Variants in SORCS3 observed in about 807,000 individuals in gnomAD.
SORCS3 encodes VPS10 domain-containing receptor SorCS3.
A neutral mutation model predicts 146.3 loss-of-function variants in SORCS3; 57 were observed. The ratio of observed to expected loss-of-function variants is 0.39; its 90% CI spans 0.31 to 0.49. The LOEUF is 0.49. Among genes scored for constraint, SORCS3 ranks in the 20% least tolerant of loss-of-function variants. SORCS3 has a pLI of 0.92. For synonymous variants in SORCS3, 653 were observed against 618.5 expected, an observed-to-expected ratio of 1.06 and a Z score of -0.83; for missense variants, 1,341 against 1,575.5, an observed-to-expected ratio of 0.85 and a Z score of 2.52.
intron 1 of SORCS3, among the ~76,000 whole-genome samples, chr10:104,743,517 A>T (rs1284037561): frequency 6.6e-6 from 1 of 152,180 alleles, no homozygotes; most frequent in Non-Finnish European, 1.5e-5. Flanking sequence ...CTAATGTAGT[A>T]GAAGGCAGTG....
At chr10:105,161,331 A>C (rs1340245226) in intron 11 of SORCS3, among the ~76,000 whole-genome samples, 1 of 152,096 alleles carries the variant, frequency 6.6e-6, no homozygotes, top group Non-Finnish European at 1.5e-5. Flanking sequence ...GAAGATAACT[A>C]TGACGTCAGC....
chr10:105,215,966 C>T (rs2056662369), intron 18 of SORCS3, among the ~76,000 whole-genome samples: 1 of 118,684 alleles, frequency 8.4e-6, no homozygotes, highest in Admixed American at 1.3e-4. Flanking sequence ...AAAGTGTTGG[C>T]CCAATATAAT....
intron 2 of SORCS3, among the ~76,000 whole-genome samples, chr10:104,853,070 C>T (rs920923969): frequency 6.6e-6 from 1 of 152,180 alleles, no homozygotes; most frequent in African/African-American, 2.4e-5. Flanking sequence ...GAGGCCAAGG[C>T]GGGCGGATCA....
chr10:104,718,412 G>A (rs771252569), intron 1 of SORCS3, among the ~76,000 whole-genome samples: 1 of 152,136 alleles, frequency 6.6e-6, no homozygotes, highest in Non-Finnish European at 1.5e-5. Context: ...TGAGGGCTCT[G>A]ACCTTCATGA....
intron 1 of SORCS3, among the ~76,000 whole-genome samples, chr10:104,692,062 G>T (rs892241425): frequency 6.6e-6 from 1 of 152,144 alleles, no homozygotes; most frequent in Non-Finnish European, 1.5e-5. Flanking sequence ...TTGATTTGGG[G>T]TTAGGTAACT....
Position 104,656,952 on chromosome 10 carries a change from T to A in SORCS3, c.627+14998T>A, listed in dbSNP as rs147211542. On this transcript the variant is annotated intron_variant, in intron 1 of 26. Transcript: ENST00000369701. ...GTTCACTTCTCTTTATAACTCCCTT[T>A]GTATGGGACCTTTGCAGTGCCCTCT... Among the ~76,000 whole-genome samples the A allele has an allele frequency of 1.1e-3, 165 of 152,316 alleles. 1 individual carries two copies. The highest frequency in any genetic ancestry group is 6.8e-3 in the Middle Eastern group (2 of 294).
chr10:105,198,701 C>A (rs1276766221), intron 14 of SORCS3, among the ~76,000 whole-genome samples: 1 of 152,162 alleles, frequency 6.6e-6, no homozygotes, highest in Admixed American at 6.5e-5. Context: ...ATTCTAGGCT[C>A]AGAGTTTCTC....
chr10:105,143,746 A>G (rs996636218), intron 8 of SORCS3, among the ~76,000 whole-genome samples: 1 of 152,174 alleles, frequency 6.6e-6, no homozygotes, highest in Non-Finnish European at 1.5e-5. Flanking sequence ...AGTGCTATAA[A>G]GGAAAAGAGG....
intron 20 of SORCS3, among the ~76,000 whole-genome samples, chr10:105,241,117 CTAAA>C (rs1348778153): frequency 1.3e-5 from 2 of 152,042 alleles, no homozygotes; most frequent in Non-Finnish European, 2.9e-5. Flanking sequence ...TTTCTCTTGA[CTAAA>C]TTCTTAGGGT....
chr10:105,025,062 G>A (rs1048383422), intron 4 of SORCS3, among the ~76,000 whole-genome samples: 16 of 152,254 alleles, frequency 1.1e-4, no homozygotes, highest in African/African-American at 3.4e-4. Context: ...CATCTCTGCC[G>A]GTGCTGGGAC....
chr10:104,756,355 A>G (rs1216017354), intron 1 of SORCS3, among the ~76,000 whole-genome samples: 1 of 152,212 alleles, frequency 6.6e-6, no homozygotes, highest in Admixed American at 6.5e-5. Context: ...CTCTACACGC[A>G]ATAGAAATAA....
chr10:105,094,649 C>T (rs1332788358), intron 6 of SORCS3, among the ~76,000 whole-genome samples: 1 of 152,160 alleles, frequency 6.6e-6, no homozygotes, highest in Non-Finnish European at 1.5e-5. Context: ...TGCTAGCACA[C>T]TCTGACAAGG....
chr10:105,207,630 G>A (rs2056610897), intron 16 of SORCS3, among the ~76,000 whole-genome samples: 1 of 152,134 alleles, frequency 6.6e-6, no homozygotes, highest in Admixed American at 6.6e-5. Context: ...CTTCGGAGCT[G>A]GGAAGGAGAT....
intron 1 of SORCS3, among the ~76,000 whole-genome samples, chr10:104,782,311 T>G (rs1398868435): frequency 6.6e-6 from 1 of 152,142 alleles, no homozygotes; most frequent in Non-Finnish European, 1.5e-5. Flanking sequence ...TGCTGTTCAT[T>G]TCAGCTGACC....
chr10:105,116,822 G>A (rs1054971792), intron 7 of SORCS3, among the ~76,000 whole-genome samples: 1 of 152,124 alleles, frequency 6.6e-6, no homozygotes, highest in African/African-American at 2.4e-5. Context: ...CTTGTAAGTG[G>A]GAGTTAAACT....
At chr10:104,735,894 C>T (rs1348023595) in intron 1 of SORCS3, among the ~76,000 whole-genome samples, 4 of 152,146 alleles carry the variant, frequency 2.6e-5, no homozygotes, top group Non-Finnish European at 5.9e-5. Flanking sequence ...ACCACCTCAT[C>T]CCCCAAGAAA....
At chr10:105,140,306 A>G (rs1589652145) in intron 8 of SORCS3, among the ~76,000 whole-genome samples, 1 of 152,014 alleles carries the variant, frequency 6.6e-6, no homozygotes, top group Middle Eastern at 3.4e-3. Flanking sequence ...CCCAGTTGTT[A>G]TTATTCATTC....
chr10:104,843,870 G>T (rs2018174690), intron 2 of SORCS3, among the ~76,000 whole-genome samples: 1 of 152,180 alleles, frequency 6.6e-6, no homozygotes, highest in Non-Finnish European at 1.5e-5. Context: ...CATTTACCTT[G>T]TGATGTGTCA....
chr10:104,921,518 T>A (rs1444428177), intron 3 of SORCS3, among the ~76,000 whole-genome samples: 3 of 151,842 alleles, frequency 2.0e-5, no homozygotes, highest in Non-Finnish European at 4.4e-5. Context: ...TGTGTGTGTG[T>A]GTGTGTGTGT....
Sources: gnomAD v4.1 joint callset for allele counts (sites outside exome capture counted in the v4.1 genomes callset) on GRCh38, gnomAD v4.1.1 for gene constraint, MANE v1.5 for transcripts, NCBI Gene and HGNC (gene_info 2026-07-23, HGNC 2026-07-21) for gene names.